The following PZP variants were observed in gnomAD, a reference collection of about 807,000 sequenced individuals.
The protein encoded by PZP is pregnancy zone protein.
In PZP, 150 loss-of-function variants were observed where a neutral mutation model predicts 179.8. That is an observed-to-expected ratio of 0.83 (90% CI 0.73 to 0.96). The LOEUF (loss-of-function observed/expected upper bound fraction) is 0.96. Among genes scored for constraint, PZP ranks in the 40% least tolerant of loss-of-function variants. PZP has a pLI of 0.00. For synonymous variants in PZP, 624 were observed against 652.3 expected (o/e 0.96, Z 0.66); for missense variants, 1,689 against 1,764.0 (o/e 0.96, Z 0.76).
downstream of PZP, among the ~76,000 whole-genome samples, chr12:9,146,584 T>C (rs1940020696): frequency 6.6e-6 from 1 of 152,208 alleles, no homozygotes; most frequent in Non-Finnish European, 1.5e-5. Flanking sequence ...CTCTGTGTTG[T>C]TGCCTCTGCA....
chr12:9,165,008 C>A, intron 19 of PZP, 131 bp downstream of exon 19: 1 of 1,110,770 alleles, frequency 9.0e-7, no homozygotes. Flanking sequence ...CTTTGCATAG[C>A]ACTAATTATT....
rs754862600 is a variant in PZP, at chr12:9,170,865, T to TG, written c.1840-1275dup. Among the ~76,000 whole-genome samples, 5 of 152,128 alleles carry TG rather than the reference T, an allele frequency of 3.3e-5. No homozygotes were observed. The highest frequency in any genetic ancestry group is 5.9e-5 in the Non-Finnish European group (4 of 68,016). ...TGATCTCTCCCTGGGACCGAGCTCC[T>TG]GGGGGGCAGGGGTGTCTGCCATCTC... On this transcript the variant is annotated intron_variant, in intron 15 of 35. Transcript: ENST00000261336. The surrounding 1 kb of genome is among the most constrained non-coding windows in gnomAD (Gnocchi z 4.6).
intron 11 of PZP, among the ~76,000 whole-genome samples, chr12:9,193,034 C>A (rs1943547773): frequency 6.6e-6 from 1 of 152,158 alleles, no homozygotes; most frequent in Non-Finnish European, 1.5e-5. Flanking sequence ...ATAACTCAAA[C>A]AAGTGGAAAA....
Position 9,197,129 on chromosome 12 carries a change from A to G in PZP, c.756-6T>C. 1 of 1,575,038 alleles carries G rather than the reference A, an allele frequency of 6.3e-7. No individual in the cohort carries two copies. The highest frequency in any genetic ancestry group is 2.3e-5 in the East Asian group (1 of 44,386). ...CAGGCTTCCCATAAGTGTATCTGGT[A>G]CATGAGAAATAAATCAGGAATTGAG... On this transcript the variant is annotated splice_polypyrimidine_tract_variant and splice_region_variant and intron_variant, in intron 7 of 35. Transcript: ENST00000261336.
intron 7 of PZP, among the ~76,000 whole-genome samples, chr12:9,198,639 CAT>C (rs1311940817): frequency 6.6e-6 from 1 of 152,122 alleles, no homozygotes; most frequent in African/African-American, 2.4e-5. Context: ...TGTGTGTGCA[CAT>C]GTTATATTAG....
rs112175487 is a variant in PZP, at chr12:9,194,550, T to C, written c.1093-312A>G. ...CGCGATCTCGGCTCACTGCAAGCTC[T>C]GCCTCCTGGACTCACGCCATTCTCC... On this transcript the variant is annotated intron_variant, in intron 10 of 35. Coordinates refer to ENST00000261336, the MANE Select transcript of PZP (RefSeq NM_002864.3). Among the ~76,000 whole-genome samples the C allele has an allele frequency of 4.0e-3, 591 of 149,366 alleles. 1 individual carries two copies. Among genetic ancestry groups the C allele is most frequent in the African/African-American group, 5.7e-3 (232 of 40,668 alleles).
intron 16 of PZP, 149 bp from the exon 17 acceptor site, chr12:9,169,123 A>T (rs1941799520): frequency 1.6e-6 from 1 of 614,972 alleles, no homozygotes. Flanking sequence ...TAGTGAAATT[A>T]CTAAACTTAT....
chr12:9,157,042 G>GT (rs1407651842), intron 28 of PZP, 133 bp downstream of exon 28: 2 of 738,006 alleles, frequency 2.7e-6, no homozygotes, highest in Admixed American at 6.0e-5. Flanking sequence ...TGGTTATTAG[G>GT]TCCCCCATGC....
chr12:9,156,689 T>A (rs984422434), intron 28 of PZP, among the ~76,000 whole-genome samples: 1 of 152,218 alleles, frequency 6.6e-6, no homozygotes, highest in African/African-American at 2.4e-5. Flanking sequence ...TTCTGCTCTG[T>A]GTAACATATG....
chr12:9,196,945 G>T, intron 8 of PZP, 67 bp downstream of exon 8: 1 of 1,218,198 alleles, frequency 8.2e-7, no homozygotes, highest in Non-Finnish European at 1.2e-6. Context: ...CCTCTTTCTA[G>T]TTAGTAAAAT....
chr12:9,159,617 G>A (rs1941021874), intron 25 of PZP, among the ~76,000 whole-genome samples: 1 of 151,912 alleles, frequency 6.6e-6, no homozygotes, highest in Non-Finnish European at 1.5e-5. Flanking sequence ...TGCTAGCCCA[G>A]TCTCTACAAA....
chr12:9,183,474 A>AC, intron 13 of PZP, among the ~76,000 whole-genome samples: 1 of 152,202 alleles, frequency 6.6e-6, no homozygotes, highest in East Asian at 1.9e-4. Context: ...ATCATAGCTC[A>AC]CTGCAGCCTC....
chr12:9,161,875 T>G (rs914157213), intron 22 of PZP, among the ~76,000 whole-genome samples: 2 of 152,194 alleles, frequency 1.3e-5, no homozygotes, highest in African/African-American at 4.8e-5. Flanking sequence ...GGAAATGCTA[T>G]ATGTTTTGTC....
downstream of PZP, among the ~76,000 whole-genome samples, chr12:9,146,188 G>A (rs905970276): frequency 6.6e-6 from 1 of 151,876 alleles, no homozygotes. Context: ...TGCTACATAA[G>A]TTCCTTAGGT....
chr12:9,186,904 A>G (rs55952239), intron 13 of PZP, among the ~76,000 whole-genome samples: 41,636 of 151,194 alleles, frequency 0.28, 5,879 homozygotes, highest in East Asian at 0.4. Context: ...AATATAGATG[A>G]CAGGCTGATG....
At chr12:9,176,878 G>A (rs1157239693) in intron 15 of PZP, among the ~76,000 whole-genome samples, 3 of 152,246 alleles carry the variant, frequency 2.0e-5, no homozygotes, top group Non-Finnish European at 4.4e-5. Flanking sequence ...GTATCTAGAG[G>A]TATTGTACCT....
At chr12:9,183,177 T>C (rs886540404) in intron 13 of PZP, among the ~76,000 whole-genome samples, 4 of 152,214 alleles carry the variant, frequency 2.6e-5, no homozygotes, top group African/African-American at 9.6e-5. Flanking sequence ...AAGTATAATA[T>C]CAGGATGAAC....
intron 15 of PZP, among the ~76,000 whole-genome samples, chr12:9,175,749 A>T (rs1242759225): frequency 6.6e-6 from 1 of 152,216 alleles, no homozygotes. Flanking sequence ...AATCAAAACC[A>T]CAATGAGATA....
At chr12:9,185,669 A>T (rs1592524618) in intron 13 of PZP, among the ~76,000 whole-genome samples, 1 of 127,966 alleles carries the variant, frequency 7.8e-6, no homozygotes, top group East Asian at 2.4e-4. Flanking sequence ...AAAAAAAAAA[A>T]ATGTTAAAGG....
Sources: gnomAD v4.1 joint callset for allele counts (sites outside exome capture counted in the v4.1 genomes callset) on GRCh38, gnomAD v4.1.1 for gene constraint, Gnocchi (gnomAD v3.1) non-coding constraint, MANE v1.5 for transcripts, NCBI Gene and HGNC (gene_info 2026-07-23, HGNC 2026-07-21) for gene names.